Variants in SFXN5 observed in about 807,000 individuals in gnomAD.
SFXN5 encodes the protein sideroflexin 5.
SFXN5 carries 43 observed loss-of-function variants against 50.2 expected under a neutral mutation model. The ratio of observed to expected loss-of-function variants is 0.86; its 90% CI spans 0.67 to 1.11. SFXN5 has a LOEUF of 1.11. Among genes scored for constraint, SFXN5 ranks in the 50% least tolerant of loss-of-function variants. The probability of loss-of-function intolerance (pLI) is 0.00; values close to 1 mark genes in which losing one functional copy is unlikely to be tolerated. For synonymous variants in SFXN5, 203 were observed against 185.8 expected (o/e 1.09, Z -0.75); for missense variants, 463 against 454.1 (o/e 1.02, Z -0.18).
chr2:73,038,431 T>C (rs1418232791), intron 3 of SFXN5, among the ~76,000 whole-genome samples: 2 of 152,162 alleles, frequency 1.3e-5, no homozygotes, highest in African/African-American at 4.8e-5. Context: ...GTCATTACCG[T>C]ACAGTACTAT....
chr2:72,988,025 G>C (rs1478582959), intron 10 of SFXN5, among the ~76,000 whole-genome samples: 2 of 152,240 alleles, frequency 1.3e-5, no homozygotes, highest in African/African-American at 4.8e-5. Context: ...TGACCCCTTG[G>C]GGGTCTGGGA....
chr2:72,975,409 T>C (rs923269020), intron 10 of SFXN5, among the ~76,000 whole-genome samples: 2 of 152,158 alleles, frequency 1.3e-5, no homozygotes, highest in African/African-American at 4.8e-5. Flanking sequence ...AACTCACCCA[T>C]CTGTCAGGGA....
intron 9 of SFXN5, chr2:72,998,608 C>T (rs58731407): frequency 3.4e-5 from 10 of 292,334 alleles, no homozygotes; most frequent in African/African-American, 2.2e-4. Flanking sequence ...GGCATCCCCC[C>T]ACCCCGCTCG....
chr2:72,976,496 T>G (rs1306183781), intron 10 of SFXN5, among the ~76,000 whole-genome samples: 1 of 152,164 alleles, frequency 6.6e-6, no homozygotes, highest in Admixed American at 6.5e-5. Flanking sequence ...AAATCAGAAA[T>G]GCAAACAAAA....
In SFXN5 at chr2:72,973,292, C is replaced by T. The variant is rs1003522622; in HGVS notation, c.626-1607G>A. ...GGGCAGTCCCTCTGTGTCCCGGGCT[C>T]TCCTGCCCCACAACAGGCATGCTCA... On this transcript the variant is annotated intron_variant, in intron 10 of 13. Transcript: ENST00000272433. The surrounding 1 kb of genome is among the most constrained non-coding windows in gnomAD (Gnocchi z 5.5). 1 of 168,770 alleles carries T rather than the reference C, an allele frequency of 5.9e-6. No individual in the cohort carries two copies. Among genetic ancestry groups the T allele is most frequent in the African/African-American group, 2.4e-5 (1 of 41,536 alleles). 10.5% of individuals were successfully genotyped at this position (168,770 alleles called of 1,614,324 possible).
At chr2:72,957,163 G>A (rs183471116) in intron 13 of SFXN5, 32 of 439,528 alleles carry the variant, frequency 7.3e-5, no homozygotes, top group South Asian at 1.4e-4. Flanking sequence ...TGAAGGTTCC[G>A]TATCTCCAGC....
At chr2:72,947,856 G>A (rs369804250) in intron 13 of SFXN5, among the ~76,000 whole-genome samples, 48 of 60,754 alleles carry the variant, frequency 7.9e-4, no homozygotes, top group Admixed American at 2.4e-3. Context: ...CCACCCTGCC[G>A]GCTCCCCTCG....
chr2:72,994,909 T>C (rs1673028600), intron 9 of SFXN5: 1 of 152,592 alleles, frequency 6.6e-6, no homozygotes, highest in South Asian at 2.1e-4. Flanking sequence ...CCTCTGCTTG[T>C]ACGGTGCCCT....
intron 1 of SFXN5, chr2:73,071,268 C>T: frequency 3.3e-6 from 1 of 304,928 alleles, no homozygotes; most frequent in East Asian, 7.9e-5. Context: ...CAACCCGGAG[C>T]GACCCTGAGC....
At chr2:73,039,857 C>A (rs953565310) in intron 3 of SFXN5, among the ~76,000 whole-genome samples, 1 of 151,626 alleles carries the variant, frequency 6.6e-6, no homozygotes, top group Non-Finnish European at 1.5e-5. Context: ...GTTGCCCAGG[C>A]TGGAGTGCAG....
chr2:73,035,463 T>A (rs1678847777), intron 3 of SFXN5, among the ~76,000 whole-genome samples: 1 of 150,808 alleles, frequency 6.6e-6, no homozygotes, highest in Non-Finnish European at 1.5e-5. Flanking sequence ...TATTTTGTCC[T>A]CAGAACCAGT....
chr2:73,065,940 G>A (rs925207149), intron 1 of SFXN5, among the ~76,000 whole-genome samples: 1 of 152,180 alleles, frequency 6.6e-6, no homozygotes, highest in African/African-American at 2.4e-5. Flanking sequence ...GCCCCAACAT[G>A]GCAAACATGG....
At chr2:73,061,152 C>T (rs1008778575) in intron 1 of SFXN5, among the ~76,000 whole-genome samples, 3 of 151,884 alleles carry the variant, frequency 2.0e-5, no homozygotes, top group African/African-American at 7.3e-5. Context: ...CCCGTCCATA[C>T]TAAAAATATA....
At chr2:73,007,566 A>G (rs1442489547) in intron 6 of SFXN5, among the ~76,000 whole-genome samples, 2 of 152,048 alleles carry the variant, frequency 1.3e-5, no homozygotes, top group Non-Finnish European at 2.9e-5. Context: ...AAGCTGTGGA[A>G]AGTTTATCTT....
intron 1 of SFXN5, chr2:73,059,033 C>CTGCCTCCAGGGGGGATCCCCAAGGG: frequency 1.0e-6 from 1 of 999,148 alleles, no homozygotes; most frequent in African/African-American, 1.8e-5. Context: ...TCCCCAAGGT[C>CTGCCTCCAGGGGGGATCCCCAAGGG]CAGCTCTGCC....
intron 9 of SFXN5, chr2:72,997,866 T>G (rs1443081681): frequency 2.6e-5 from 4 of 152,320 alleles, no homozygotes. Flanking sequence ...GTGTTGGGAT[T>G]ACAGGCGTGA....
intron 3 of SFXN5, among the ~76,000 whole-genome samples, chr2:73,027,521 G>A (rs193231719): frequency 2.6e-5 from 4 of 152,244 alleles, no homozygotes; most frequent in Admixed American, 6.5e-5. Flanking sequence ...AAGGATATGT[G>A]TTTATAAAGC....
chr2:73,009,369 G>C (rs1469046058), intron 6 of SFXN5, among the ~76,000 whole-genome samples: 2 of 152,232 alleles, frequency 1.3e-5, no homozygotes, highest in African/African-American at 4.8e-5. Context: ...CAGTGGCCCA[G>C]GGGTGGGGAG....
At chr2:73,068,962 T>G (rs1249635176) in intron 1 of SFXN5, among the ~76,000 whole-genome samples, 4 of 140,276 alleles carry the variant, frequency 2.9e-5, no homozygotes, top group South Asian at 2.4e-4. Context: ...GGCCCAGTGG[T>G]GGGAGGGAAC....
Sources: gnomAD v4.1 joint callset for allele counts (sites outside exome capture counted in the v4.1 genomes callset) on GRCh38, gnomAD v4.1.1 for gene constraint, Gnocchi (gnomAD v3.1) non-coding constraint, MANE v1.5 for transcripts, NCBI Gene and HGNC (gene_info 2026-07-23, HGNC 2026-07-21) for gene names.